Variants in TECTA observed in about 807,000 individuals in gnomAD.
TECTA encodes the protein alpha-tectorin.
Under a neutral mutation model 216.8 loss-of-function variants are expected in TECTA, and 128 were observed. The observed-to-expected ratio is 0.59, with a 90% CI of 0.51 to 0.68. TECTA has a LOEUF of 0.68. Among genes scored for constraint, TECTA ranks in the 30% least tolerant of loss-of-function variants. TECTA has a pLI of 0.00. For synonymous variants in TECTA, 1,089 were observed against 1,117.1 expected (o/e 0.97, Z 0.50); for missense variants, 2,551 against 2,786.2 (o/e 0.92, Z 1.90).
At chr11:121,182,546 AG>A (rs1190784965) in intron 20 of TECTA, among the ~76,000 whole-genome samples, 2 of 152,206 alleles carry the variant, frequency 1.3e-5, no homozygotes, top group African/African-American at 4.8e-5. Flanking sequence ...GCCTATCTTC[AG>A]ATCCCTTGAT....
At chr11:121,122,681 AAAAAAAAAAAAAG>A (rs1946569749) in intron 7 of TECTA, among the ~76,000 whole-genome samples, 1 of 142,914 alleles carries the variant, frequency 7.0e-6, no homozygotes. Context: ...CCAAAAAAAA[AAAAAAAAAAAAAG>A]AAAGCCAAAA....
In TECTA at chr11:121,129,875, G is replaced by T; in HGVS notation, c.2605G>T (p.Asp869Tyr). ...EFCLPNGKCT[D>Y]NLAVFLESWT... ...CTGTCTCCCCAACGGCAAGTGCACGGACAACCTGGCAGTGTTCCTGGAAAG... is the reference window on the plus strand; with the variant it reads ...CTGTCTCCCCAACGGCAAGTGCACGTACAACCTGGCAGTGTTCCTGGAAAG... The change falls in exon 10 of 24, where the codon GAC (aspartate) becomes TAC (tyrosine). Residue 869 changes from aspartate (D) to tyrosine (Y), a missense_variant. Asp to Tyr is a radical substitution (Grantham distance 160). Coordinates refer to ENST00000392793, the MANE Select transcript of TECTA (RefSeq NM_005422.4). 6.2e-7 allele frequency: 1 copy of T among 1,614,246 alleles called. No individual in the cohort carries two copies.
chr11:121,160,156 G>A lies in TECTA; in HGVS notation c.4711G>A (p.Val1571Ile). The A allele has an allele frequency of 6.2e-7, 1 of 1,614,202 alleles. No individual in the cohort carries two copies. The highest frequency in any genetic ancestry group is 8.5e-7 in the Non-Finnish European group (1 of 1,180,050). Reference sequence around the variant, plus strand: ...ATAGGTGAATGGCACACAAGTGAATGTTCCATTTATAACTGGTTTGGCAAC... The same window carrying A: ...ATAGGTGAATGGCACACAAGTGAATATTCCATTTATAACTGGTTTGGCAAC... ...TVKVNGTQVN[V>I]PFITGLATKI... Residue 1571 changes from valine (V) to isoleucine (I), a missense_variant, in exon 15 of 24, where the codon GTT (valine) becomes ATT (isoleucine). By Grantham distance (29) the Val-to-Ile change is conservative. Coordinates refer to ENST00000392793, the MANE Select transcript of TECTA (RefSeq NM_005422.4).
In TECTA at chr11:121,157,870, C is replaced by T. The variant is rs752648609; in HGVS notation, c.4335C>T (p.Cys1445=). Residue 1445 remains cysteine, a synonymous_variant, in exon 14 of 24, where the codon TGC becomes TGT. Coordinates refer to ENST00000392793, the MANE Select transcript of TECTA (RefSeq NM_005422.4). ...EPKQLFWNSD[C]TRRCRCFRRN... ...AGCAGCTATTTTGGAACAGCGACTG[C>T]ACGCGGCGCTGCCGCTGTTTCCGTC... 3.1e-6 allele frequency: 5 copies of T among 1,614,112 alleles called. No individual in the cohort carries two copies. Among genetic ancestry groups the T allele is most frequent in the Middle Eastern group, 3.3e-4 (2 of 6,064 alleles).
chr11:121,137,734 G>A lies in TECTA; in HGVS notation c.3255G>A (p.Glu1085=), dbSNP rs755273765. The A allele has an allele frequency of 4.3e-6, 7 of 1,614,054 alleles. No homozygotes were observed. Among genetic ancestry groups the A allele is most frequent in the Non-Finnish European group, 5.9e-6 (7 of 1,180,040 alleles). ...IPCKDDEYCM[E]EGGLYYCQAR... ...GCAAGGATGATGAGTACTGCATGGA[G>A]GAAGGTGGCCTGTACTACTGCCAAG... Residue 1085 remains glutamate, a synonymous_variant, in exon 11 of 24, where the codon GAG becomes GAA. Coordinates refer to ENST00000392793, the MANE Select transcript of TECTA (RefSeq NM_005422.4).
rs539203611 is a variant in TECTA, at chr11:121,160,185, A to G, written c.4740A>G (p.Lys1580=). 2 of 1,614,192 alleles carry G rather than the reference A, an allele frequency of 1.2e-6. No individual in the cohort carries two copies. Among genetic ancestry groups the G allele is most frequent in the Non-Finnish European group, 1.7e-6 (2 of 1,180,038 alleles). The part of the protein sequence containing the change: ...NVPFITGLAT[K]IYSSEGFLVI... Reference sequence around the variant, plus strand: ...CATTTATAACTGGTTTGGCAACCAAAATCTACAGCAGTGAGGGGTTTCTGG... The same window carrying G: ...CATTTATAACTGGTTTGGCAACCAAGATCTACAGCAGTGAGGGGTTTCTGG... Residue 1580 remains lysine, a synonymous_variant, in exon 15 of 24, where the codon AAA becomes AAG. Coordinates refer to ENST00000392793, the MANE Select transcript of TECTA (RefSeq NM_005422.4).
chr11:121,190,295 C>T (rs1214070845), intron 23 of TECTA, among the ~76,000 whole-genome samples: 2 of 152,086 alleles, frequency 1.3e-5, no homozygotes, highest in Non-Finnish European at 2.9e-5. Flanking sequence ...GATGGAGTCT[C>T]GCTCTGTTGC....
chr11:121,109,661 T>C, intron 4 of TECTA, 163 bp downstream of exon 4: 1 of 793,340 alleles, frequency 1.3e-6, no homozygotes, highest in Admixed American at 2.2e-5. Context: ...CAGAGGGAAC[T>C]ATCACAGTTA....
intron 11 of TECTA, among the ~76,000 whole-genome samples, 197 bp from the exon 12 acceptor site, chr11:121,145,358 C>G (rs1301483576): frequency 6.6e-6 from 1 of 152,158 alleles, no homozygotes; most frequent in East Asian, 1.9e-4. Context: ...TATTAGTGTA[C>G]CAAGGATAGT....
rs763858507 is a variant in TECTA, at chr11:121,129,667, T to C, written c.2397T>C (p.Phe799=). 3.1e-6 allele frequency: 5 copies of C among 1,614,254 alleles called. No homozygotes were observed. The highest frequency in any genetic ancestry group is 4.2e-6 in the Non-Finnish European group (5 of 1,180,042). The change falls in exon 10 of 24, where the codon TTT becomes TTC. Residue 799 remains phenylalanine, a synonymous_variant. Transcript: ENST00000392793. ...ATGGTCAGGAAGTGGAATTGCCTTT[T>C]TTCCATCCTTCGGGGAAGCTGGAAA... The part of the protein sequence containing the change: ...KLNGQEVELP[F]FHPSGKLEIY...
rs979077440 is a variant in TECTA, at chr11:121,118,673, T to G, written c.1158T>G (p.Asn386Lys). 6.2e-7 allele frequency: 1 copy of G among 1,613,908 alleles called. No homozygotes were observed. Among genetic ancestry groups the G allele is most frequent in the African/African-American group, 1.3e-5 (1 of 74,926 alleles). The change falls in exon 7 of 24, where the codon AAT becomes AAG. Residue 386 changes from asparagine (N) to lysine (K), a missense_variant. By Grantham distance (94) the Asn-to-Lys change is moderately conservative. Transcript: ENST00000392793. ...TGAAGGAGCTCTCAGTGGAGGTGAA[T>G]GGCTACAAGATTCTCATCCCCAAAG... ...SWVKELSVEVNGYKILIPKGS... is the reference protein window; with the variant it reads ...SWVKELSVEVKGYKILIPKGS...
chr11:121,114,934 T>C (rs1185833519), intron 6 of TECTA, among the ~76,000 whole-genome samples: 22 of 18,724 alleles, frequency 1.2e-3, no homozygotes, highest in East Asian at 5.7e-3. Flanking sequence ...TTCACCAACC[T>C]ATCCATCCAC....
intron 7 of TECTA, among the ~76,000 whole-genome samples, chr11:121,121,655 C>T (rs1299007370): frequency 6.6e-6 from 1 of 152,074 alleles, no homozygotes; most frequent in African/African-American, 2.4e-5. Context: ...AGCCTGAGTG[C>T]GACAAGAACA....
intron 13 of TECTA, among the ~76,000 whole-genome samples, chr11:121,156,790 C>T (rs1591458063): frequency 6.6e-6 from 1 of 152,290 alleles, no homozygotes; most frequent in East Asian, 1.9e-4. Context: ...CCACTGCACT[C>T]AACCACAAGA....
At chr11:121,190,620 T>C (rs1329249331) in intron 23 of TECTA, 86 bp from the exon 24 acceptor site, 6 of 1,068,300 alleles carry the variant, frequency 5.6e-6, no homozygotes, top group Non-Finnish European at 7.2e-6. Context: ...TTCCTTTCTT[T>C]AGCTGAGTGC....
At chr11:121,103,975 C>T (rs1232801029) in intron 2 of TECTA, among the ~76,000 whole-genome samples, 1 of 152,144 alleles carries the variant, frequency 6.6e-6, no homozygotes, top group Non-Finnish European at 1.5e-5. Context: ...AAGTTAGGGT[C>T]ATTCTCCCTG....
rs1481878485 is a variant in TECTA at position 121,122,642 on chromosome 11, C to T, written c.1204-2660C>T. ...CTTGAGCTCAGGAGTTCAAGACCAC[C>T]CTGGGCAGCATGGCAAAAGCCTGTC... On this transcript the variant is annotated intron_variant, in intron 7 of 23. Transcript: ENST00000392793. Among the ~76,000 whole-genome samples, 9 of 139,380 alleles carry T rather than the reference C, an allele frequency of 6.5e-5. 1 individual carries two copies. The highest frequency in any genetic ancestry group is 2.3e-4 in the South Asian group (1 of 4,334). The allele number at this position is 139,380 out of a possible 152,430, so 91.4% of individuals were successfully genotyped here.
chr11:121,122,692 AAG>A (rs1491042711), intron 7 of TECTA, among the ~76,000 whole-genome samples: 22,424 of 93,968 alleles, frequency 0.24, 2,381 homozygotes, highest in South Asian at 0.34. Flanking sequence ...AAAAAAAAAA[AAG>A]AAAGCCAAAA....
chr11:121,149,504 C>A (rs779081644), intron 12 of TECTA, among the ~76,000 whole-genome samples: 10 of 152,142 alleles, frequency 6.6e-5, no homozygotes, highest in African/African-American at 7.2e-5. Context: ...AGGAGCTTTA[C>A]GAATTATATC....
Sources: allele counts gnomAD v4.1 joint callset (sites outside exome capture counted in the v4.1 genomes callset), GRCh38; gene constraint gnomAD v4.1.1; transcripts MANE v1.5; gene names NCBI Gene and HGNC (gene_info 2026-07-23, HGNC 2026-07-21).